The following DOCK3 variants were observed in gnomAD, a reference collection of about 807,000 sequenced individuals.
DOCK3 encodes dedicator of cytokinesis protein 3.
A neutral mutation model predicts 265.6 loss-of-function variants in DOCK3; 60 were observed. That is an observed-to-expected ratio of 0.23 (90% CI 0.18 to 0.28). The LOEUF (loss-of-function observed/expected upper bound fraction) is 0.28. Ranked by LOEUF, DOCK3 falls within the 10% of genes least tolerant of loss-of-function variation. The pLI, the probability that DOCK3 is intolerant of heterozygous loss-of-function variation, is 1.00. For synonymous variants in DOCK3, 881 were observed against 938.0 expected (o/e 0.94, Z 1.11); for missense variants, 1,981 against 2,594.3 (o/e 0.76, Z 5.14).
At chr3:51,373,063 A>T (rs565123181) in intron 49 of DOCK3, among the ~76,000 whole-genome samples, 1 of 152,324 alleles carries the variant, frequency 6.6e-6, no homozygotes, top group African/African-American at 2.4e-5. Context: ...CTGTGGAAAA[A>T]GTTACATTAC....
chr3:50,939,885 A>G (rs958595840), intron 5 of DOCK3, among the ~76,000 whole-genome samples: 1 of 152,188 alleles, frequency 6.6e-6, no homozygotes, highest in Non-Finnish European at 1.5e-5. Flanking sequence ...AAAACGAGAG[A>G]TATACAGATA....
At chr3:51,287,965 A>G (rs1168927404) in intron 27 of DOCK3, among the ~76,000 whole-genome samples, 1 of 152,246 alleles carries the variant, frequency 6.6e-6, no homozygotes, top group African/African-American at 2.4e-5. Flanking sequence ...TTTTAAAAGA[A>G]CGAGATCATG....
intron 5 of DOCK3, among the ~76,000 whole-genome samples, chr3:50,985,842 TTAAA>T (rs1222539475): frequency 2.0e-5 from 3 of 151,718 alleles, no homozygotes; most frequent in Non-Finnish European, 2.9e-5. Context: ...ATTAATTAAA[TTAAA>T]TAAATTTATT....
chr3:51,285,914 A>G (rs1463445159), intron 27 of DOCK3, among the ~76,000 whole-genome samples: 1 of 152,190 alleles, frequency 6.6e-6, no homozygotes, highest in Non-Finnish European at 1.5e-5. Context: ...CAGCCCAGGC[A>G]ACAGTGCATG....
chr3:51,202,123 A>G (rs1272548536), intron 12 of DOCK3, among the ~76,000 whole-genome samples: 2 of 141,330 alleles, frequency 1.4e-5, no homozygotes, highest in Admixed American at 7.3e-5. Flanking sequence ...CTAGAGAAGC[A>G]AGAGCAAACA....
intron 2 of DOCK3, among the ~76,000 whole-genome samples, chr3:50,781,441 G>T (rs998045881): frequency 6.6e-6 from 1 of 151,558 alleles, no homozygotes; most frequent in African/African-American, 2.4e-5. Flanking sequence ...GCTAAGTTTT[G>T]TATTTTTTGG....
intron 7 of DOCK3, among the ~76,000 whole-genome samples, chr3:51,083,843 G>T (rs931950643): frequency 6.6e-6 from 1 of 152,082 alleles, no homozygotes; most frequent in African/African-American, 2.4e-5. Flanking sequence ...AATTAACCAG[G>T]CATGGTGATG....
At chr3:51,239,072 A>G (rs776193023) in intron 21 of DOCK3, among the ~76,000 whole-genome samples, 4 of 152,240 alleles carry the variant, frequency 2.6e-5, no homozygotes, top group African/African-American at 4.8e-5. Flanking sequence ...TTACACTACC[A>G]TCAACAGTAT....
At chr3:50,710,967 A>G (rs549831071) in intron 1 of DOCK3, among the ~76,000 whole-genome samples, 1 of 152,322 alleles carries the variant, frequency 6.6e-6, no homozygotes, top group African/African-American at 2.4e-5. Flanking sequence ...GGATGTAAAG[A>G]CATAAGAAGA....
At chr3:51,312,641 A>C in intron 30 of DOCK3, 65 bp downstream of exon 30, 1 of 1,444,654 alleles carries the variant, frequency 6.9e-7, no homozygotes, top group South Asian at 1.4e-5. Flanking sequence ...TTTCGTTGAG[A>C]GTTCTTTCAG....
At chr3:51,075,640 C>T (rs374360779) in intron 7 of DOCK3, among the ~76,000 whole-genome samples, 200 bp downstream of exon 7, 34 of 152,292 alleles carry the variant, frequency 2.2e-4, no homozygotes, top group African/African-American at 8.2e-4. Context: ...AGATACTGGG[C>T]TTACCAAATT....
intron 5 of DOCK3, among the ~76,000 whole-genome samples, chr3:51,058,886 A>G (rs1014925678): frequency 6.6e-6 from 1 of 152,144 alleles, no homozygotes; most frequent in Non-Finnish European, 1.5e-5. Flanking sequence ...GTATACATAT[A>G]TGTATAAAAT....
At chr3:51,054,517 G>A (rs1459281126) in intron 5 of DOCK3, among the ~76,000 whole-genome samples, 1 of 152,058 alleles carries the variant, frequency 6.6e-6, no homozygotes. Flanking sequence ...TTCAATTCTA[G>A]GACATTTTGT....
In DOCK3 at chr3:50,793,364, T is replaced by C. The variant is rs886264553; in HGVS notation, c.121+14606T>C. Among the ~76,000 whole-genome samples, 60 of 149,798 alleles carry C rather than the reference T, an allele frequency of 4.0e-4. No homozygotes were observed. In the Middle Eastern group the frequency reaches 0.017, roughly 43 times the overall value. ...TAATTTTCTTTTTCTTTTTCTTTTT[T>C]TTTTTTTTTTTGAGGCAGAGTTTTG... On this transcript the variant is annotated intron_variant, in intron 2 of 52. Coordinates refer to ENST00000266037, the MANE Select transcript of DOCK3 (RefSeq NM_004947.5).
intron 4 of DOCK3, among the ~76,000 whole-genome samples, chr3:50,892,876 A>G (rs1202919896): frequency 1.3e-5 from 2 of 152,068 alleles, no homozygotes; most frequent in Admixed American, 6.6e-5. Flanking sequence ...GAGAAGATGC[A>G]TATCTGTGAG....
intron 22 of DOCK3, among the ~76,000 whole-genome samples, chr3:51,258,969 A>G (rs1560301879): frequency 6.6e-6 from 1 of 152,232 alleles, no homozygotes; most frequent in Non-Finnish European, 1.5e-5. Context: ...ATGGGCCTGA[A>G]GAGTCACCAC....
At chr3:51,195,927 C>CT (rs2088268341) in intron 12 of DOCK3, among the ~76,000 whole-genome samples, 2 of 151,356 alleles carry the variant, frequency 1.3e-5, no homozygotes, top group East Asian at 1.9e-4. Context: ...TTTATTCTTC[C>CT]TTTTTTTGTT....
chr3:50,813,538 A>G (rs2043886278), intron 2 of DOCK3, among the ~76,000 whole-genome samples: 2 of 152,190 alleles, frequency 1.3e-5, no homozygotes, highest in African/African-American at 4.8e-5. Flanking sequence ...AAAGAAAGAA[A>G]GAAAAAAGAA....
chr3:50,769,837 T>C (rs1430374805), intron 1 of DOCK3, among the ~76,000 whole-genome samples: 3 of 148,746 alleles, frequency 2.0e-5, no homozygotes, highest in African/African-American at 7.4e-5. Flanking sequence ...AAAAAAGTTT[T>C]AGCCAGAGCA....
Sources: allele counts gnomAD v4.1 joint callset (sites outside exome capture counted in the v4.1 genomes callset), GRCh38; gene constraint gnomAD v4.1.1; transcripts MANE v1.5; gene names NCBI Gene and HGNC (gene_info 2026-07-23, HGNC 2026-07-21).